Variants in EVI5 observed in about 807,000 individuals in gnomAD.
The protein encoded by EVI5 is ecotropic viral integration site 5 protein homolog.
Under a neutral mutation model 112.0 loss-of-function variants are expected in EVI5, and 73 were observed. The ratio of observed to expected loss-of-function variants is 0.65; its 90% CI spans 0.54 to 0.79. The LOEUF (loss-of-function observed/expected upper bound fraction) is 0.79, where lower values mean the gene tolerates loss of function less well. Ranked by LOEUF, EVI5 falls within the 30% of genes least tolerant of loss-of-function variation. The pLI, the probability that EVI5 is intolerant of heterozygous loss-of-function variation, is 0.00. For synonymous variants in EVI5, 305 were observed against 319.9 expected, an observed-to-expected ratio of 0.95 and a Z score of 0.50; for missense variants, 900 against 968.8, an observed-to-expected ratio of 0.93 and a Z score of 0.94.
intron 4 of EVI5, 65 bp from the exon 5 acceptor site, chr1:92,702,280 TA>T: frequency 1.2e-6 from 1 of 804,474 alleles, no homozygotes; most frequent in Non-Finnish European, 2.0e-6. Flanking sequence ...CCAAAAAACC[TA>T]AAATTGGCAA....
intron 18 of EVI5, among the ~76,000 whole-genome samples, chr1:92,575,800 G>C (rs1415019457): frequency 6.6e-6 from 1 of 151,990 alleles, no homozygotes; most frequent in Non-Finnish European, 1.5e-5. Context: ...CTGACCTCAA[G>C]TGATCCACTC....
chr1:92,536,584 C>A (rs1663941446), intron 19 of EVI5, among the ~76,000 whole-genome samples: 1 of 152,100 alleles, frequency 6.6e-6, no homozygotes, highest in Non-Finnish European at 1.5e-5. Flanking sequence ...ATTAAGGATA[C>A]ATAAGTATTT....
chr1:92,546,159 G>T (rs777380155), intron 19 of EVI5, among the ~76,000 whole-genome samples: 9 of 152,096 alleles, frequency 5.9e-5, no homozygotes, highest in Admixed American at 1.3e-4. Context: ...TTGTGATCAA[G>T]AAACTGAGGC....
At chr1:92,696,884 C>CA (rs1231692377) in intron 6 of EVI5, among the ~76,000 whole-genome samples, 1 of 151,660 alleles carries the variant, frequency 6.6e-6, no homozygotes, top group Non-Finnish European at 1.5e-5. Context: ...TAAAAAAATA[C>CA]AAAAAATTAG....
At position 92,636,216 on chromosome 1, in the gene EVI5, A is replaced by G. The variant is rs774709251; in HGVS notation, c.1513T>C (p.Leu505=). 37 of 1,613,070 alleles carry G rather than the reference A, an allele frequency of 2.3e-5. No individual in the cohort carries two copies. The highest frequency in any genetic ancestry group is 1.3e-4 in the Admixed American group (8 of 59,872). ...CALKEMQDKV[L]DIEKRNNSLP... ...AGGTTTCTTACCTTCTCTATATCCA[A>G]GACTTTATCCTGCATCTCTTTTAAT... The change falls in exon 14 of 20, where the codon TTG becomes CTG. Residue 505 remains leucine (L), a synonymous_variant. Coordinates refer to ENST00000684568, the MANE Select transcript of EVI5 (RefSeq NM_001350197.2).
chr1:92,602,865 A>G (rs959413034), intron 18 of EVI5, among the ~76,000 whole-genome samples: 1 of 152,212 alleles, frequency 6.6e-6, no homozygotes, highest in Non-Finnish European at 1.5e-5. Context: ...ATTCAGCAAA[A>G]TTAAAAACTT....
chr1:92,706,908 G>A (rs983851734), intron 2 of EVI5, among the ~76,000 whole-genome samples: 4 of 151,942 alleles, frequency 2.6e-5, no homozygotes, highest in African/African-American at 9.7e-5. Context: ...ATGGCCGGGC[G>A]TGGTGGCTCA....
chr1:92,644,388 T>C (rs1278036892), intron 13 of EVI5, among the ~76,000 whole-genome samples: 1 of 152,254 alleles, frequency 6.6e-6, no homozygotes, highest in Non-Finnish European at 1.5e-5. Flanking sequence ...ATGTCATTCC[T>C]GACATTGGTT....
intron 2 of EVI5, among the ~76,000 whole-genome samples, chr1:92,713,600 A>T (rs556902635): frequency 1.1e-3 from 163 of 152,046 alleles, no homozygotes; most frequent in African/African-American, 3.6e-3. Flanking sequence ...ACATGGTGAA[A>T]CCCCATCTCT....
At chr1:92,710,284 A>AGTGT (rs1397053841) in intron 2 of EVI5, among the ~76,000 whole-genome samples, 5 of 151,882 alleles carry the variant, frequency 3.3e-5, no homozygotes, top group Non-Finnish European at 5.9e-5. Flanking sequence ...TTGAGACTGC[A>AGTGT]GTGTGCCATG....
rs1557686971 is a variant in EVI5, at chr1:92,513,568, T to TAC, written c.*86_*87dup. On this transcript the variant is annotated 3_prime_UTR_variant, in exon 20 of 20. Coordinates refer to ENST00000684568, the MANE Select transcript of EVI5 (RefSeq NM_001350197.2). Reference sequence around the variant, plus strand: ...ATATATATATATATATATATATATGTACATATGAAACAAATTATTTCCAAA... The same window carrying TAC: ...ATATATATATATATATATATATATGTACACATATGAAACAAATTATTTCCAAA... The TAC allele has an allele frequency of 5.0e-6, 1 of 200,746 alleles. No individual in the cohort carries two copies. Among genetic ancestry groups the TAC allele is most frequent in the African/African-American group, 8.9e-5 (1 of 11,228 alleles). The allele number at this position is 200,746 out of a possible 1,614,324, so 12.4% of individuals were successfully genotyped here.
chr1:92,545,620 C>A (rs569473585), intron 19 of EVI5, among the ~76,000 whole-genome samples: 185 of 152,152 alleles, frequency 1.2e-3, no homozygotes, highest in Non-Finnish European at 2.4e-3. Context: ...CAATCCCAAA[C>A]GATTTTTAAA....
At chr1:92,739,249 A>G (rs1255976440) in intron 1 of EVI5, among the ~76,000 whole-genome samples, 1 of 146,000 alleles carries the variant, frequency 6.8e-6, no homozygotes, top group Non-Finnish European at 1.5e-5. Context: ...CTCCAGCCTG[A>G]GCAACAAAAG....
intron 1 of EVI5, chr1:92,755,876 A>C (rs750650449): frequency 1.8e-5 from 3 of 165,734 alleles, no homozygotes; most frequent in Non-Finnish European, 4.0e-5. Flanking sequence ...CACTTGGTAC[A>C]AAGAGCTGAA....
At chr1:92,645,130 A>G (rs1660702045) in intron 13 of EVI5, among the ~76,000 whole-genome samples, 1 of 152,146 alleles carries the variant, frequency 6.6e-6, no homozygotes, top group South Asian at 2.1e-4. Flanking sequence ...TTTCAGTTCT[A>G]TCAGTTCAAG....
rs115488377 is a variant in EVI5 at position 92,516,040 on chromosome 1, G to T, written c.2167-2070C>A. Among the ~76,000 whole-genome samples the T allele has an allele frequency of 1.8e-3, 278 of 152,284 alleles. 4 individuals are homozygous for T. Among genetic ancestry groups the T allele is most frequent in the African/African-American group, 6.1e-3 (255 of 41,562 alleles). On this transcript the variant is annotated intron_variant, in intron 19 of 19. Coordinates refer to ENST00000684568, the MANE Select transcript of EVI5 (RefSeq NM_001350197.2). ...TGAATCTTTAGGAAAAGGGCATATA[G>T]CACCACAAAGGCCTCCTCAAGGTTA...
At chr1:92,715,945 C>T (rs193120290) in intron 2 of EVI5, among the ~76,000 whole-genome samples, 30 of 152,182 alleles carry the variant, frequency 2.0e-4, no homozygotes, top group Non-Finnish European at 4.1e-4. Flanking sequence ...AGTAGGTAAA[C>T]AAAGCGGCCG....
chr1:92,782,933 C>T (rs1685056554), intron 1 of EVI5, among the ~76,000 whole-genome samples: 1 of 152,140 alleles, frequency 6.6e-6, no homozygotes, highest in Non-Finnish European at 1.5e-5. Flanking sequence ...GATCCTCCCA[C>T]CTCAGCCTCC....
chr1:92,561,052 T>C (rs1050820282), intron 19 of EVI5, among the ~76,000 whole-genome samples: 5 of 152,150 alleles, frequency 3.3e-5, no homozygotes, highest in Non-Finnish European at 7.4e-5. Context: ...AATTGGTCTG[T>C]TTTCATCACA....
Sources: allele counts gnomAD v4.1 joint callset (sites outside exome capture counted in the v4.1 genomes callset), GRCh38; gene constraint gnomAD v4.1.1; transcripts MANE v1.5; gene names NCBI Gene and HGNC (gene_info 2026-07-23, HGNC 2026-07-21).